GALNT13: variants seen among roughly 807,000 people sequenced by gnomAD.
GALNT13 encodes polypeptide N-acetylgalactosaminyltransferase 13, also known as UDP-GalNAc:polypeptide N-acetylgalactosaminyltransferase 13.
A neutral mutation model predicts 64.2 loss-of-function variants in GALNT13; 28 were observed. The observed-to-expected ratio is 0.44, with a 90% CI of 0.32 to 0.60. The LOEUF is 0.60. Ranked by LOEUF, GALNT13 falls within the 20% of genes least tolerant of loss-of-function variation. GALNT13 has a pLI of 0.05. For missense variants in GALNT13, 577 were observed against 669.8 expected (o/e 0.86, Z 1.53); for synonymous variants, 214 against 224.6 (o/e 0.95, Z 0.42).
At chr2:153,304,967 C>T in the GALNT13 span, among the ~76,000 whole-genome samples, 334 of 152,204 alleles carry the variant, frequency 2.2e-3, 1 homozygote, top group Admixed American at 2.2e-3. Context: ...TAGGCTGAAA[C>T]ATTTTTAATT....
At chr2:153,780,863 A>G in the GALNT13 span, among the ~76,000 whole-genome samples, 5 of 152,186 alleles carry the variant, frequency 3.3e-5, no homozygotes, top group African/African-American at 1.2e-4. Context: ...AGTGATGGCT[A>G]AGAGAGACAT....
intron 4 of GALNT13, among the ~76,000 whole-genome samples, chr2:154,172,828 CAA>C: frequency 6.6e-6 from 1 of 151,534 alleles, no homozygotes; most frequent in South Asian, 2.1e-4. Flanking sequence ...TTGAAGAGTA[CAA>C]AAAAATTGAT....
chr2:153,527,561 T>C, the GALNT13 span, among the ~76,000 whole-genome samples: 1 of 152,150 alleles, frequency 6.6e-6, no homozygotes, highest in Non-Finnish European at 1.5e-5. Context: ...AGGATGTTAA[T>C]GAGCAATAAG....
intron 3 of GALNT13, among the ~76,000 whole-genome samples, chr2:153,993,565 C>T (rs534844134): frequency 4.0e-5 from 6 of 151,416 alleles, no homozygotes; most frequent in African/African-American, 9.7e-5. Context: ...GGCATAGTGG[C>T]GGGCGCCTGT....
At chr2:154,327,572 T>G (rs1694944429) in intron 9 of GALNT13, among the ~76,000 whole-genome samples, 1 of 152,112 alleles carries the variant, frequency 6.6e-6, no homozygotes, top group South Asian at 2.1e-4. Flanking sequence ...AGTGCACTTT[T>G]ATTTGGATGG....
intron 3 of GALNT13, among the ~76,000 whole-genome samples, chr2:154,062,117 C>T (rs917379511): frequency 6.6e-6 from 1 of 152,062 alleles, no homozygotes; most frequent in Admixed American, 6.5e-5. Flanking sequence ...GATATTTTCT[C>T]TCTTTGCCTA....
chr2:154,407,258 T>C (rs1223908618), intron 10 of GALNT13, among the ~76,000 whole-genome samples: 3 of 152,176 alleles, frequency 2.0e-5, no homozygotes, highest in Non-Finnish European at 2.9e-5. Context: ...TTGTGAGATA[T>C]GTATTTCTCT....
the GALNT13 span, among the ~76,000 whole-genome samples, chr2:153,721,972 A>C: frequency 6.7e-6 from 1 of 149,218 alleles, no homozygotes; most frequent in Non-Finnish European, 1.5e-5. Flanking sequence ...AGACATCTAC[A>C]GAACTCTCCA....
chr2:154,226,274 T>G (rs889472706), intron 4 of GALNT13, among the ~76,000 whole-genome samples: 2 of 152,154 alleles, frequency 1.3e-5, no homozygotes, highest in African/African-American at 4.8e-5. Context: ...AATTCTCACC[T>G]TAAGTGATCA....
chr2:153,544,891 A>G, the GALNT13 span, among the ~76,000 whole-genome samples: 1 of 152,214 alleles, frequency 6.6e-6, no homozygotes, highest in Non-Finnish European at 1.5e-5. Flanking sequence ...GGTAAAATAA[A>G]GCCATGACAG....
chr2:153,836,744 G>A, the GALNT13 span, among the ~76,000 whole-genome samples: 1 of 147,874 alleles, frequency 6.8e-6, no homozygotes, highest in African/African-American at 2.5e-5. Context: ...ATCTATGAGT[G>A]AGAACATGCG....
At chr2:153,640,731 G>A in the GALNT13 span, among the ~76,000 whole-genome samples, 11 of 152,214 alleles carry the variant, frequency 7.2e-5, no homozygotes, top group African/African-American at 2.4e-4. Flanking sequence ...GCAGTGAGCC[G>A]AGATATTGCC....
At chr2:154,358,510 C>G (rs1574153483) in intron 9 of GALNT13, among the ~76,000 whole-genome samples, 1 of 151,958 alleles carries the variant, frequency 6.6e-6, no homozygotes. Flanking sequence ...ACTATCTGGA[C>G]TCAAAATCAC....
chr2:153,810,339 G>A, the GALNT13 span, among the ~76,000 whole-genome samples: 51,373 of 151,924 alleles, frequency 0.34, 9,170 homozygotes, highest in Middle Eastern at 0.5. Flanking sequence ...TCCAAGTGTT[G>A]TGCGTGATCA....
chr2:153,333,146 CTG>C, the GALNT13 span, among the ~76,000 whole-genome samples: 1 of 152,370 alleles, frequency 6.6e-6, no homozygotes, highest in Admixed American at 6.5e-5. Flanking sequence ...GAATGGCCGA[CTG>C]TATGCACCTA....
intron 2 of GALNT13, among the ~76,000 whole-genome samples, chr2:153,908,709 C>T (rs1688743257): frequency 1.3e-5 from 2 of 151,840 alleles, no homozygotes; most frequent in Admixed American, 6.6e-5. Context: ...TGTAGGTGTG[C>T]AGCCTTAATT....
chr2:153,926,769 A>G (rs925417581), intron 2 of GALNT13, among the ~76,000 whole-genome samples: 1 of 152,138 alleles, frequency 6.6e-6, no homozygotes, highest in South Asian at 2.1e-4. Flanking sequence ...ATCGGCACAA[A>G]TATCAGATGA....
chr2:153,504,319 T>C, the GALNT13 span, among the ~76,000 whole-genome samples: 1 of 152,214 alleles, frequency 6.6e-6, no homozygotes, highest in Non-Finnish European at 1.5e-5. Flanking sequence ...TACAATCATA[T>C]AATCAGCAAA....
intron 3 of GALNT13, among the ~76,000 whole-genome samples, chr2:154,120,594 G>T (rs1681885025): frequency 6.6e-6 from 1 of 152,102 alleles, no homozygotes; most frequent in Non-Finnish European, 1.5e-5. Context: ...AGGTCATTGG[G>T]TGGGCTTTTG....
Sources: gnomAD v4.1 joint callset for allele counts (sites outside exome capture counted in the v4.1 genomes callset) on GRCh38, gnomAD v4.1.1 for gene constraint, MANE v1.5 for transcripts, NCBI Gene and HGNC (gene_info 2026-07-23, HGNC 2026-07-21) for gene names.